The following SORCS3 variants were observed in gnomAD, a reference collection of about 807,000 sequenced individuals.
The protein encoded by SORCS3 is sortilin related VPS10 domain containing receptor 3.
In SORCS3, 57 loss-of-function variants were observed where a neutral mutation model predicts 146.3. The ratio of observed to expected loss-of-function variants is 0.39; its 90% CI spans 0.31 to 0.49. The LOEUF is 0.49. Among genes scored for constraint, SORCS3 ranks in the 20% least tolerant of loss-of-function variants. The pLI, the probability that SORCS3 is intolerant of heterozygous loss-of-function variation, is 0.92. For missense variants in SORCS3, 1,341 were observed against 1,575.5 expected (o/e 0.85, Z 2.52); for synonymous variants, 653 against 618.5 (o/e 1.06, Z -0.83).
chr10:105,172,613 A>G (rs1026024058), intron 13 of SORCS3, among the ~76,000 whole-genome samples: 1 of 152,218 alleles, frequency 6.6e-6, no homozygotes, highest in African/African-American at 2.4e-5. Flanking sequence ...ATTAAGATGC[A>G]ATGGTAATTA....
At chr10:104,691,042 G>C (rs1051201247) in intron 1 of SORCS3, among the ~76,000 whole-genome samples, 1 of 152,230 alleles carries the variant, frequency 6.6e-6, no homozygotes, top group Non-Finnish European at 1.5e-5. Flanking sequence ...TGTCCAGGGG[G>C]ATGGGCTTTG....
At chr10:104,650,908 T>G (rs2015551041) in intron 1 of SORCS3, among the ~76,000 whole-genome samples, 1 of 152,172 alleles carries the variant, frequency 6.6e-6, no homozygotes, top group Non-Finnish European at 1.5e-5. Context: ...ATGGTTAGAA[T>G]CAGGTTACAG....
At chr10:104,831,324 G>A (rs1449685858) in intron 1 of SORCS3, among the ~76,000 whole-genome samples, 1 of 152,144 alleles carries the variant, frequency 6.6e-6, no homozygotes, top group African/African-American at 2.4e-5. Flanking sequence ...TAAAAGAAAA[G>A]AAACAGAGAG....
chr10:104,998,105 G>A (rs77304994), intron 4 of SORCS3, among the ~76,000 whole-genome samples: 2,054 of 152,238 alleles, frequency 0.013, 46 homozygotes, highest in African/African-American at 0.046. Context: ...TATGGAAAAA[G>A]AGGTTCAGTT....
chr10:105,262,560 C>T lies in SORCS3; in HGVS notation c.3604+69C>T, dbSNP rs1314607703. The T allele has an allele frequency of 5.3e-6, 8 of 1,500,684 alleles. No homozygotes were observed. In the Admixed American group the frequency reaches 8.8e-5, roughly 16 times the overall value. 93.0% of individuals were successfully genotyped at this position (1,500,684 alleles called of 1,614,324 possible). On this transcript the variant is annotated intron_variant, in intron 26 of 26. Transcript: ENST00000369701. Reference sequence around the variant, plus strand: ...TAAACACTGGCCTGCTTCATCTGTCCCCCATACATTACTGGACTGGAGGGT... The same window carrying T: ...TAAACACTGGCCTGCTTCATCTGTCTCCCATACATTACTGGACTGGAGGGT...
rs1297785921 is a variant in SORCS3, at chr10:105,148,032, G to A, written c.1482+236G>A. 2.0e-5 allele frequency among the ~76,000 whole-genome samples: 3 copies of A among 152,010 alleles called. 1 individual carries two copies. Among genetic ancestry groups the A allele is most frequent in the Admixed American group, 2.0e-4 (3 of 15,250 alleles). On this transcript the variant is annotated intron_variant, in intron 9 of 26. Transcript: ENST00000369701. Reference sequence around the variant, plus strand: ...ATGGATATACTGCATCTAGTGTAGTGGCTGACTCAACAAAGTTAGTATTCT... The same window carrying A: ...ATGGATATACTGCATCTAGTGTAGTAGCTGACTCAACAAAGTTAGTATTCT...
At chr10:104,730,659 C>T (rs890124031) in intron 1 of SORCS3, among the ~76,000 whole-genome samples, 16 of 152,178 alleles carry the variant, frequency 1.1e-4, no homozygotes, top group Middle Eastern at 3.2e-3. Context: ...GTAATTTATA[C>T]AGAAAAGAGG....
At chr10:104,706,860 G>A (rs921243442) in intron 1 of SORCS3, among the ~76,000 whole-genome samples, 2 of 152,078 alleles carry the variant, frequency 1.3e-5, no homozygotes, top group South Asian at 2.1e-4. Context: ...TCTTCTAAAC[G>A]TGAGAAGAAA....
intron 1 of SORCS3, among the ~76,000 whole-genome samples, chr10:104,759,615 C>T (rs1410633573): frequency 1.3e-5 from 2 of 151,818 alleles, no homozygotes; most frequent in Non-Finnish European, 2.9e-5. Flanking sequence ...CTTTTTTTGC[C>T]CAAGTTTTAT....
intron 1 of SORCS3, among the ~76,000 whole-genome samples, chr10:104,694,561 A>G (rs1298141392): frequency 2.0e-5 from 3 of 152,070 alleles, no homozygotes; most frequent in Non-Finnish European, 2.9e-5. Flanking sequence ...AGGATTGCAT[A>G]GCTCAAAGTT....
intron 1 of SORCS3, among the ~76,000 whole-genome samples, chr10:104,685,237 C>A (rs1453170639): frequency 6.6e-6 from 1 of 152,156 alleles, no homozygotes; most frequent in African/African-American, 2.4e-5. Context: ...TGTAGGAGCA[C>A]AGAGGAAGCA....
At chr10:104,816,648 G>A (rs1243199972) in intron 1 of SORCS3, among the ~76,000 whole-genome samples, 2 of 152,132 alleles carry the variant, frequency 1.3e-5, no homozygotes, top group South Asian at 2.1e-4. Context: ...TCTGTTCAGC[G>A]CACCTTCCAG....
chr10:105,127,382 G>A (rs1284348871), intron 7 of SORCS3, among the ~76,000 whole-genome samples: 2 of 152,082 alleles, frequency 1.3e-5, no homozygotes, highest in African/African-American at 4.8e-5. Context: ...TAGAAGCCTA[G>A]CAAAGTGAAA....
chr10:105,150,480 C>T (rs1471688624), intron 9 of SORCS3, among the ~76,000 whole-genome samples: 1 of 152,102 alleles, frequency 6.6e-6, no homozygotes, highest in Non-Finnish European at 1.5e-5. Context: ...TCAACGTTAC[C>T]ACTCTGACTG....
intron 7 of SORCS3, among the ~76,000 whole-genome samples, chr10:105,116,605 T>C (rs1282227903): frequency 6.6e-6 from 1 of 152,058 alleles, no homozygotes; most frequent in Admixed American, 6.6e-5. Context: ...CACAGCTTTG[T>C]TCACAGTAGT....
chr10:104,884,090 A>G (rs556516513), intron 2 of SORCS3, among the ~76,000 whole-genome samples: 63 of 152,298 alleles, frequency 4.1e-4, no homozygotes, highest in African/African-American at 1.5e-3. Flanking sequence ...CCTATGGTCA[A>G]CAGAAGATTT....
rs557633462 is a variant in SORCS3, at chr10:105,147,698, T to G, written c.1384T>G (p.Tyr462Asp). Residue 462 changes from tyrosine (Y) to aspartate (D), a missense_variant, in exon 9 of 27, where the codon TAC (tyrosine) becomes GAC (aspartate). Physicochemically the swap from Tyr to Asp is radical, Grantham distance 160. Transcript: ENST00000369701. The part of the protein sequence containing the change: ...EWNQNDTYNL[Y>D]ISDTRGIYFT... ...GAACCAGAACGACACGTACAACCTCTACATCTCAGACACGCGTGGGATTTA... is the reference window on the plus strand; with the variant it reads ...GAACCAGAACGACACGTACAACCTCGACATCTCAGACACGCGTGGGATTTA... 1 of 1,613,134 alleles carries G rather than the reference T, an allele frequency of 6.2e-7. No homozygotes were observed. The highest frequency in any genetic ancestry group is 1.7e-5 in the Admixed American group (1 of 59,942).
chr10:105,200,168 C>G, intron 15 of SORCS3, 52 bp downstream of exon 15: 1 of 1,407,758 alleles, frequency 7.1e-7, no homozygotes, highest in Non-Finnish European at 1.0e-6. Flanking sequence ...GGAGCTAGTG[C>G]AAGTCCGACT....
At chr10:104,927,216 G>A (rs2019157727) in intron 3 of SORCS3, among the ~76,000 whole-genome samples, 1 of 152,186 alleles carries the variant, frequency 6.6e-6, no homozygotes, top group African/African-American at 2.4e-5. Flanking sequence ...TCTTCCGTGT[G>A]AACTCTGATT....
Sources: gnomAD v4.1 joint callset for allele counts (sites outside exome capture counted in the v4.1 genomes callset) on GRCh38, gnomAD v4.1.1 for gene constraint, MANE v1.5 for transcripts, NCBI Gene and HGNC (gene_info 2026-07-23, HGNC 2026-07-21) for gene names.